Variants in RBFOX1 observed in about 807,000 individuals in gnomAD.
RBFOX1 encodes RNA binding fox-1 homolog 1, also known as RNA binding protein fox-1 homolog 1.
Under a neutral mutation model 57.7 loss-of-function variants are expected in RBFOX1, and 8 were observed. The ratio of observed to expected loss-of-function variants is 0.14; its 90% CI spans 0.08 to 0.25. The LOEUF (loss-of-function observed/expected upper bound fraction) is 0.25. Among genes scored for constraint, RBFOX1 ranks in the 10% least tolerant of loss-of-function variants. The pLI is 1.00. For missense variants in RBFOX1, 611 were observed against 548.5 expected (o/e 1.11, Z -1.14); for synonymous variants, 326 against 222.4 (o/e 1.47, Z -4.15).
At chr16:7,006,284 A>G (rs12920376) in intron 3 of RBFOX1, among the ~76,000 whole-genome samples, 67,657 of 151,800 alleles carry the variant, frequency 0.45, 17,833 homozygotes, top group South Asian at 0.62. Context: ...CCTCTCGAGT[A>G]GCTGGGATTA....
chr16:7,433,363 C>T (rs192443387), intron 4 of RBFOX1, among the ~76,000 whole-genome samples: 4 of 152,220 alleles, frequency 2.6e-5, no homozygotes, highest in East Asian at 3.9e-4. Context: ...CTCACTGATA[C>T]TTTTTCTCCT....
At chr16:6,121,486 C>A (rs143034145) in intron 1 of RBFOX1, among the ~76,000 whole-genome samples, 1 of 152,164 alleles carries the variant, frequency 6.6e-6, no homozygotes, top group African/African-American at 2.4e-5. Context: ...TACCCAGTAC[C>A]CCCAAATTCT....
chr16:5,864,230 G>A (rs898396137), intron 3 of RBFOX1, among the ~76,000 whole-genome samples: 1 of 152,188 alleles, frequency 6.6e-6, no homozygotes, highest in Admixed American at 6.5e-5. Context: ...CGAAGTCCAT[G>A]ATCACAACAC....
intron 4 of RBFOX1, among the ~76,000 whole-genome samples, chr16:7,286,644 G>A (rs1387051346): frequency 9.5e-6 from 1 of 105,546 alleles, no homozygotes; most frequent in East Asian, 3.5e-4. Context: ...TTTTTTTTGA[G>A]ACAGAGTCTT....
intron 1 of RBFOX1, among the ~76,000 whole-genome samples, chr16:5,274,744 C>T (rs1267582705): frequency 6.6e-6 from 1 of 152,218 alleles, no homozygotes; most frequent in Non-Finnish European, 1.5e-5. Flanking sequence ...CAGTCCCTTG[C>T]ATAGGCACCA....
chr16:6,794,707 G>T (rs78382076), intron 3 of RBFOX1, among the ~76,000 whole-genome samples: 2,535 of 152,236 alleles, frequency 0.017, 91 homozygotes, highest in African/African-American at 0.058. Context: ...AATGTTTAAT[G>T]TAAATCATAA....
At chr16:5,679,724 G>A (rs889710022) in intron 3 of RBFOX1, among the ~76,000 whole-genome samples, 1 of 152,134 alleles carries the variant, frequency 6.6e-6, no homozygotes, top group Non-Finnish European at 1.5e-5. Context: ...TTAAAATAAT[G>A]GGCTTTGGCA....
intron 1 of RBFOX1, among the ~76,000 whole-genome samples, chr16:6,151,417 CT>C (rs1476205948): frequency 5.3e-5 from 8 of 152,150 alleles, no homozygotes; most frequent in Non-Finnish European, 1.2e-4. Context: ...TCCCAAGTAG[CT>C]GGGATTACAG....
rs571855160 is a variant in RBFOX1, at chr16:5,951,372, C to T, written c.351+84037C>T. Among the ~76,000 whole-genome samples the T allele has an allele frequency of 8.5e-5, 13 of 152,154 alleles. No individual in the cohort carries two copies. The South Asian group carries it at 1.9e-3, about 22-fold the overall frequency. ...CTAAGGCAGGAGAATTGCTTGAACC[C>T]GGGAGGCAGAGGTTGCACAGAGTCG... On this transcript the variant is annotated intron_variant, in intron 4 of 19. Transcript: ENST00000641259.
chr16:7,553,793 G>A (rs1481845330), intron 5 of RBFOX1, among the ~76,000 whole-genome samples: 1 of 152,196 alleles, frequency 6.6e-6, no homozygotes, highest in Non-Finnish European at 1.5e-5. Flanking sequence ...ATAAACCAAG[G>A]AGGCTGTTGC....
chr16:6,654,625 C>A lies in RBFOX1; in HGVS notation c.-41C>A, dbSNP rs2098632919. On this transcript the variant is annotated 5_prime_UTR_variant, in exon 3 of 16. Coordinates refer to ENST00000550418, the MANE Select transcript of RBFOX1 (RefSeq NM_018723.4). The stretch of plus-strand genomic sequence containing the variant: ...CAGGATATCAAAGCAGACTGCAATA[C>A]CTGCGTGGAAATAGAAGACAGAAAG... 6.6e-7 allele frequency: 1 copy of A among 1,510,664 alleles called. No individual in the cohort carries two copies. Among genetic ancestry groups the A allele is most frequent in the Non-Finnish European group, 8.8e-7 (1 of 1,138,546 alleles). 93.6% of individuals were successfully genotyped at this position (1,510,664 alleles called of 1,614,324 possible).
chr16:5,774,486 C>G (rs1220446760), intron 3 of RBFOX1, among the ~76,000 whole-genome samples: 1 of 152,210 alleles, frequency 6.6e-6, no homozygotes, highest in African/African-American at 2.4e-5. Context: ...GCCTCTCTGG[C>G]TTTCTTCAAT....
chr16:6,958,762 A>T (rs557214942), intron 3 of RBFOX1, among the ~76,000 whole-genome samples: 2 of 152,176 alleles, frequency 1.3e-5, no homozygotes, highest in East Asian at 3.8e-4. Flanking sequence ...TTAAAAATTT[A>T]TGGGCAGAAA....
chr16:5,788,144 C>A (rs1182608404), intron 3 of RBFOX1, among the ~76,000 whole-genome samples: 3 of 152,194 alleles, frequency 2.0e-5, no homozygotes, highest in Non-Finnish European at 2.9e-5. Context: ...TGGAGAGTGA[C>A]ATCTGGCCAT....
intron 3 of RBFOX1, among the ~76,000 whole-genome samples, chr16:5,811,202 G>C (rs1361102582): frequency 7.6e-6 from 1 of 131,230 alleles, no homozygotes; most frequent in Non-Finnish European, 1.5e-5. Flanking sequence ...CAGTGCAATG[G>C]TGCGATCTCG....
chr16:6,234,339 A>C (rs1447045272), intron 1 of RBFOX1, among the ~76,000 whole-genome samples: 2 of 152,180 alleles, frequency 1.3e-5, no homozygotes, highest in Admixed American at 1.3e-4. Flanking sequence ...GTTCAGTTGT[A>C]AATTTACATT....
chr16:7,123,325 G>C (rs9924468), intron 4 of RBFOX1, among the ~76,000 whole-genome samples: 100,995 of 151,814 alleles, frequency 0.67, 34,151 homozygotes, highest in East Asian at 0.87. Context: ...ATTTGTGGAT[G>C]GAATAAATGA....
At chr16:5,681,072 A>AT (rs2050317610) in intron 3 of RBFOX1, among the ~76,000 whole-genome samples, 1 of 149,596 alleles carries the variant, frequency 6.7e-6, no homozygotes, top group African/African-American at 2.4e-5. Flanking sequence ...CCCATGAGGT[A>AT]ATATATATAT....
At chr16:7,366,705 TA>T (rs1233516675) in intron 4 of RBFOX1, among the ~76,000 whole-genome samples, 1 of 152,102 alleles carries the variant, frequency 6.6e-6, no homozygotes, top group Non-Finnish European at 1.5e-5. Flanking sequence ...TAAGCCCTAT[TA>T]AAATGGTGCC....
Sources: gnomAD v4.1 joint callset for allele counts (sites outside exome capture counted in the v4.1 genomes callset) on GRCh38, gnomAD v4.1.1 for gene constraint, MANE v1.5 for transcripts, NCBI Gene and HGNC (gene_info 2026-07-23, HGNC 2026-07-21) for gene names.